CACNB2: variants seen among roughly 807,000 people sequenced by gnomAD.
The protein encoded by CACNB2 is voltage-dependent L-type calcium channel subunit beta-2.
CACNB2 carries 42 observed loss-of-function variants against 73.3 expected under a neutral mutation model. The ratio of observed to expected loss-of-function variants is 0.57; its 90% confidence interval spans 0.45 to 0.74. CACNB2 has a LOEUF of 0.74. Ranked by LOEUF, CACNB2 falls within the 30% of genes least tolerant of loss-of-function variation. The probability of loss-of-function intolerance (pLI) is 0.00; values close to 1 mark genes in which losing one functional copy is unlikely to be tolerated. For missense variants in CACNB2, 940 were observed against 853.0 expected, an observed-to-expected ratio of 1.10 and a Z score of -1.27; for synonymous variants, 348 against 310.3, an observed-to-expected ratio of 1.12 and a Z score of -1.28.
intron 3 of CACNB2, among the ~76,000 whole-genome samples, chr10:18,407,322 A>G (rs570123411): frequency 6.6e-5 from 10 of 151,592 alleles, no homozygotes; most frequent in Admixed American, 2.0e-4. Flanking sequence ...GGGTTTCTCC[A>G]TGTTTTCCAG....
chr10:18,229,682 C>T (rs1288679502), intron 2 of CACNB2, among the ~76,000 whole-genome samples: 2 of 151,896 alleles, frequency 1.3e-5, no homozygotes, highest in Non-Finnish European at 2.9e-5. Context: ...CAAAAGAAAA[C>T]ACTCTTCTAT....
chr10:18,490,226 A>G (rs781582328), intron 3 of CACNB2, among the ~76,000 whole-genome samples: 22 of 152,184 alleles, frequency 1.4e-4, no homozygotes, highest in Non-Finnish European at 2.6e-4. Context: ...TCTTCTACAA[A>G]TTGGTACTTA....
intron 2 of CACNB2, among the ~76,000 whole-genome samples, chr10:18,317,470 G>A (rs907138158): frequency 6.6e-6 from 1 of 152,056 alleles, no homozygotes; most frequent in African/African-American, 2.4e-5. Flanking sequence ...GCTCCCACTC[G>A]TGAGAACATG....
At chr10:18,447,399 G>A (rs2046789265) in intron 3 of CACNB2, among the ~76,000 whole-genome samples, 1 of 152,150 alleles carries the variant, frequency 6.6e-6, no homozygotes, top group Non-Finnish European at 1.5e-5. Flanking sequence ...AATTCATAAA[G>A]GTGAAATAGT....
chr10:18,169,804 A>C (rs556542300), intron 2 of CACNB2, among the ~76,000 whole-genome samples: 6 of 152,328 alleles, frequency 3.9e-5, no homozygotes, highest in Middle Eastern at 3.4e-3. Context: ...AACAGGGTAC[A>C]TCAGTTAGAA....
At chr10:18,438,169 C>T (rs1275867690) in intron 3 of CACNB2, among the ~76,000 whole-genome samples, 2 of 147,640 alleles carry the variant, frequency 1.4e-5, no homozygotes, top group Non-Finnish European at 3.0e-5. Context: ...AGCCGCCCGC[C>T]AGCACACCTG....
intron 2 of CACNB2, among the ~76,000 whole-genome samples, chr10:18,154,010 T>C (rs1258061152): frequency 1.3e-5 from 2 of 151,746 alleles, no homozygotes; most frequent in Non-Finnish European, 2.9e-5. Context: ...AGGGAACATA[T>C]ATAATTGGTA....
chr10:18,399,792 T>C (rs2043898999), intron 2 of CACNB2, among the ~76,000 whole-genome samples: 1 of 152,218 alleles, frequency 6.6e-6, no homozygotes, highest in African/African-American at 2.4e-5. Flanking sequence ...GAGAGCATTT[T>C]GTTTATGTCA....
chr10:18,369,439 G>T (rs1323631935), intron 2 of CACNB2, among the ~76,000 whole-genome samples: 2 of 151,922 alleles, frequency 1.3e-5, no homozygotes, highest in Non-Finnish European at 1.5e-5. Flanking sequence ...TTTGTGGGAA[G>T]GTAAAAATCA....
intron 2 of CACNB2, among the ~76,000 whole-genome samples, chr10:18,238,992 TG>T (rs2036550699): frequency 6.6e-6 from 1 of 152,152 alleles, no homozygotes; most frequent in Non-Finnish European, 1.5e-5. Flanking sequence ...TTTTAAGATT[TG>T]ATGGCAGCTG....
At chr10:18,522,776 G>A (rs889699448) in intron 9 of CACNB2, among the ~76,000 whole-genome samples, 5 of 149,596 alleles carry the variant, frequency 3.3e-5, no homozygotes, top group African/African-American at 1.2e-4. Flanking sequence ...TACTCGAAAA[G>A]CTGAGGCAGG....
chr10:18,483,524 T>A (rs1589496707), intron 3 of CACNB2, among the ~76,000 whole-genome samples: 2 of 120,414 alleles, frequency 1.7e-5, no homozygotes, highest in South Asian at 2.8e-4. Context: ...AGAGCAAAAC[T>A]CTGTCTCAAA....
chr10:18,238,763 A>G (rs1291949430), intron 2 of CACNB2, among the ~76,000 whole-genome samples: 1 of 152,238 alleles, frequency 6.6e-6, no homozygotes, highest in Admixed American at 6.5e-5. Context: ...CTACAGTTTT[A>G]AAAAACAATG....
chr10:18,265,154 T>G (rs1040307938), intron 2 of CACNB2, among the ~76,000 whole-genome samples: 4 of 149,602 alleles, frequency 2.7e-5, no homozygotes, highest in Admixed American at 2.0e-4. Flanking sequence ...ATCTTCTTTT[T>G]TTTTTTTTTT....
intron 2 of CACNB2, among the ~76,000 whole-genome samples, chr10:18,227,193 G>A (rs2036026171): frequency 6.6e-6 from 1 of 152,160 alleles, no homozygotes; most frequent in Admixed American, 6.5e-5. Flanking sequence ...CTGGGTCTTG[G>A]TGAGTGCATC....
At chr10:18,220,032 G>A (rs1400476839) in intron 2 of CACNB2, among the ~76,000 whole-genome samples, 1 of 144,876 alleles carries the variant, frequency 6.9e-6, no homozygotes, top group Non-Finnish European at 1.5e-5. Context: ...CTCCCAAAAT[G>A]CTGGGATTAC....
chr10:18,234,424 G>C (rs1322876508), intron 2 of CACNB2, among the ~76,000 whole-genome samples: 1 of 152,178 alleles, frequency 6.6e-6, no homozygotes, highest in Non-Finnish European at 1.5e-5. Context: ...CAGGGACCGA[G>C]AGAGAGATTT....
Position 18,490,189 on chromosome 10 carries a change from A to C in CACNB2, c.334-8166A>C, listed in dbSNP as rs74869135. Reference sequence around the variant, plus strand: ...CTTGGTGTTTTTAAAGCACTTTTACATTATTGTCTAGATAAAGAGATGCCA... The same window carrying C: ...CTTGGTGTTTTTAAAGCACTTTTACCTTATTGTCTAGATAAAGAGATGCCA... On this transcript the variant is annotated intron_variant, in intron 3 of 13. Transcript: ENST00000324631. Among the ~76,000 whole-genome samples the C allele has an allele frequency of 1.1e-4, 17 of 152,260 alleles. No homozygotes were observed. In the East Asian group the frequency reaches 2.7e-3, roughly 24 times the overall value.
chr10:18,449,143 G>T (rs982580697), intron 3 of CACNB2, among the ~76,000 whole-genome samples: 3 of 152,196 alleles, frequency 2.0e-5, no homozygotes, highest in Non-Finnish European at 4.4e-5. Flanking sequence ...CCAGCACTTT[G>T]GGGGGCTGAG....
Sources: gnomAD v4.1 joint callset for allele counts (sites outside exome capture counted in the v4.1 genomes callset) on GRCh38, gnomAD v4.1.1 for gene constraint, MANE v1.5 for transcripts, NCBI Gene and HGNC (gene_info 2026-07-23, HGNC 2026-07-21) for gene names.